PTPRF: variants seen among roughly 807,000 people sequenced by gnomAD.
The protein encoded by PTPRF is protein tyrosine phosphatase receptor type F.
Under a neutral mutation model 201.8 loss-of-function variants are expected in PTPRF, and 59 were observed. The observed-to-expected ratio is 0.29, with a 90% CI of 0.24 to 0.36. PTPRF has a LOEUF of 0.36. Among genes scored for constraint, PTPRF ranks in the 10% least tolerant of loss-of-function variants. PTPRF has a pLI of 1.00. For missense variants in PTPRF, 2,132 were observed against 2,690.5 expected, an observed-to-expected ratio of 0.79 and a Z score of 4.59; for synonymous variants, 1,088 against 1,089.7, an observed-to-expected ratio of 1.00 and a Z score of 0.03.
At chr1:43,539,396 C>T (rs1338628302) in intron 2 of PTPRF, among the ~76,000 whole-genome samples, 1 of 152,150 alleles carries the variant, frequency 6.6e-6, no homozygotes, top group Admixed American at 6.5e-5. Context: ...CATCCTGAGC[C>T]AAGAGCTCGG....
intron 5 of PTPRF, among the ~76,000 whole-genome samples, chr1:43,566,800 C>T (rs1646219717): frequency 1.3e-5 from 2 of 152,276 alleles, no homozygotes; most frequent in South Asian, 2.1e-4. Context: ...GCCTAGTTGG[C>T]ACAGGGGACT....
intron 14 of PTPRF, 90 bp downstream of exon 14, chr1:43,602,187 C>T (rs1051649103): frequency 5.4e-6 from 8 of 1,484,532 alleles, no homozygotes; most frequent in Admixed American, 5.1e-5. Flanking sequence ...TGCTAGCCTG[C>T]ACTGCCAAGA....
Position 43,597,821 on chromosome 1 carries a change from G to A in PTPRF, c.1887G>A (p.Pro629=), listed in dbSNP as rs373604919. The change falls in exon 12 of 34, where the codon CCG becomes CCA. Residue 629 remains proline (P), a synonymous_variant. Transcript: ENST00000359947. ...CCACGGTCCGGGTAAGTTGGGTCCC[G>A]CCGCCTGCCGACAGCCGCAACGGCG... ...GSTTVRVSWV[P]PPADSRNGVI... is the part of the protein sequence containing the mutation. 2.1e-5 allele frequency: 34 copies of A among 1,602,362 alleles called. 1 individual carries two copies. Among genetic ancestry groups the A allele is most frequent in the African/African-American group, 1.7e-4 (13 of 74,606 alleles).
At chr1:43,532,951 G>A (rs1168337793) in intron 1 of PTPRF, among the ~76,000 whole-genome samples, 1 of 152,146 alleles carries the variant, frequency 6.6e-6, no homozygotes, top group Non-Finnish European at 1.5e-5. Context: ...GCCGGCCAGG[G>A]CTCAAGAAAT....
At chr1:43,621,352 C>T (rs1259952816) in intron 33 of PTPRF, 120 bp downstream of exon 33, 27 of 1,339,452 alleles carry the variant, frequency 2.0e-5, no homozygotes, top group Middle Eastern at 2.5e-4. Context: ...CAACCTTTCA[C>T]GTGGCCTGCG....
At position 43,569,673 on chromosome 1, in the gene PTPRF, C is replaced by T. The variant is rs773282232; in HGVS notation, c.463C>T (p.Leu155=). ...GGAGAAGGCACGCACAGCCACCATG[C>T]TATGTGCCGCAGGCGGAAATCCAGA... ...VVEKARTATM[L]CAAGGNPDPE... Residue 155 remains leucine (L), a synonymous_variant, in exon 6 of 34, where the codon CTA becomes TTA. Coordinates refer to ENST00000359947, the MANE Select transcript of PTPRF (RefSeq NM_002840.5). 3 of 1,613,998 alleles carry T rather than the reference C, an allele frequency of 1.9e-6. No homozygotes were observed. In the African/African-American group the frequency reaches 4.0e-5, roughly 22 times the overall value.
chr1:43,612,925 C>T (rs1656817296), intron 22 of PTPRF: 5 of 848,104 alleles, frequency 5.9e-6, no homozygotes, highest in Non-Finnish European at 8.6e-6. Flanking sequence ...TCCCTTTCTT[C>T]TCCCCCAATC....
intron 23 of PTPRF, among the ~76,000 whole-genome samples, chr1:43,614,015 C>A (rs1418951222): frequency 6.6e-6 from 1 of 152,206 alleles, no homozygotes; most frequent in African/African-American, 2.4e-5. Context: ...CACAGGCAGA[C>A]ACAAGGCCAC....
chr1:43,606,602 C>A (rs113038514), intron 20 of PTPRF, 144 bp downstream of exon 20: 2 of 1,095,464 alleles, frequency 1.8e-6, no homozygotes, highest in African/African-American at 1.6e-5. Context: ...GACCCAAGAT[C>A]TGTCCCGGGG....
Position 43,620,864 on chromosome 1 carries a change from G to T in PTPRF, c.5391G>T (p.Gln1797His). Residue 1797 changes from glutamine (Q) to histidine (H), a missense_variant, in exon 32 of 34, where the codon CAG becomes CAT. Coordinates refer to ENST00000359947, the MANE Select transcript of PTPRF (RefSeq NM_002840.5). ...ATGGGCAGTCAAGGACAATCCGGCA[G>T]TTCCAGTTCACAGACTGGCCAGAGC... ...ARDGQSRTIR[Q>H]FQFTDWPEQG... The T allele has an allele frequency of 6.2e-7, 1 of 1,613,676 alleles. No homozygotes were observed. Among genetic ancestry groups the T allele is most frequent in the East Asian group, 2.2e-5 (1 of 44,892 alleles).
At chr1:43,556,415 C>G (rs946250760) in intron 5 of PTPRF, among the ~76,000 whole-genome samples, 2 of 152,198 alleles carry the variant, frequency 1.3e-5, no homozygotes, top group East Asian at 3.8e-4. Flanking sequence ...GCAGGTGCCA[C>G]CACGCCCAGC....
intron 7 of PTPRF, among the ~76,000 whole-genome samples, chr1:43,586,504 G>T (rs1308130010): frequency 6.6e-6 from 1 of 152,226 alleles, no homozygotes; most frequent in Non-Finnish European, 1.5e-5. Flanking sequence ...GCCATGCCCC[G>T]GGATCCACCT....
intron 29 of PTPRF, 57 bp downstream of exon 29, chr1:43,619,915 G>A: frequency 6.3e-7 from 1 of 1,590,044 alleles, no homozygotes; most frequent in Non-Finnish European, 8.6e-7. Flanking sequence ...CCTGTGCCTG[G>A]CTGGTGGGGG....
chr1:43,536,436 C>G (rs1644011553), intron 1 of PTPRF, among the ~76,000 whole-genome samples: 1 of 152,170 alleles, frequency 6.6e-6, no homozygotes, highest in Non-Finnish European at 1.5e-5. Context: ...CACCTCTTTC[C>G]AGGTGTGGCT....
At chr1:43,531,423 TC>T (rs1330023043) in intron 1 of PTPRF, among the ~76,000 whole-genome samples, 12 of 111,052 alleles carry the variant, frequency 1.1e-4, no homozygotes, top group African/African-American at 3.4e-4. Flanking sequence ...GCGCAAAGTT[TC>T]CCGTTTGCGT....
chr1:43,575,747 G>A (rs978998829), intron 6 of PTPRF, among the ~76,000 whole-genome samples: 9 of 152,160 alleles, frequency 5.9e-5, no homozygotes, highest in African/African-American at 2.2e-4. Flanking sequence ...CTGCCTGCTT[G>A]CTCACACACT....
rs1163112648 is a variant in PTPRF at position 43,622,595 on chromosome 1, C to T, written c.*592C>T. 2 of 152,546 alleles carry T rather than the reference C, an allele frequency of 1.3e-5. No individual in the cohort carries two copies. The highest frequency in any genetic ancestry group is 4.1e-4 in the South Asian group (2 of 4,844). 9.4% of individuals were successfully genotyped at this position (152,546 alleles called of 1,614,324 possible). On this transcript the variant is annotated 3_prime_UTR_variant, in exon 34 of 34. Coordinates refer to ENST00000359947, the MANE Select transcript of PTPRF (RefSeq NM_002840.5). ...GGGAGGCAGTGCTGATCCGGCTGCTCCTCCAGCCCTTCAGACGAGATCCTG... is the reference window on the plus strand; with the variant it reads ...GGGAGGCAGTGCTGATCCGGCTGCTTCTCCAGCCCTTCAGACGAGATCCTG...
chr1:43,597,605 T>C, intron 11 of PTPRF, 143 bp from the exon 12 acceptor site: 1 of 649,284 alleles, frequency 1.5e-6, no homozygotes, highest in Middle Eastern at 4.2e-4. Context: ...GGCAGCAGCC[T>C]GCCTGGAGGG....
upstream of PTPRF, among the ~76,000 whole-genome samples, chr1:43,526,911 G>A (rs1383704440): frequency 1.3e-5 from 2 of 152,218 alleles, no homozygotes; most frequent in Non-Finnish European, 2.9e-5. Context: ...CTGCAAGGCT[G>A]TGGAGCACGG....
Sources: allele counts gnomAD v4.1 joint callset (sites outside exome capture counted in the v4.1 genomes callset), GRCh38; gene constraint gnomAD v4.1.1; transcripts MANE v1.5; gene names NCBI Gene and HGNC (gene_info 2026-07-23, HGNC 2026-07-21).